Variants in ZDHHC14 observed in about 807,000 individuals in gnomAD.
ZDHHC14 encodes the protein zDHHC palmitoyltransferase 14.
A neutral mutation model predicts 47.7 loss-of-function variants in ZDHHC14; 16 were observed. That is an observed-to-expected ratio of 0.34 (90% confidence interval 0.23 to 0.51). The LOEUF (loss-of-function observed/expected upper bound fraction) is 0.51, where lower values mean the gene tolerates loss of function less well. ZDHHC14 is among the 20% of genes least tolerant of loss of function. The probability of loss-of-function intolerance (pLI) is 0.97; values close to 1 mark genes in which losing one functional copy is unlikely to be tolerated. For synonymous variants in ZDHHC14, 293 were observed against 278.9 expected (o/e 1.05, Z -0.50); for missense variants, 515 against 662.5 (o/e 0.78, Z 2.44).
intron 2 of ZDHHC14, among the ~76,000 whole-genome samples, chr6:157,548,665 C>T (rs1188666923): frequency 6.6e-6 from 1 of 152,158 alleles, no homozygotes; most frequent in Non-Finnish European, 1.5e-5. Context: ...AGGCTGGTCT[C>T]GAACTCCCAG....
chr6:157,647,643 T>C (rs986056138), intron 7 of ZDHHC14, among the ~76,000 whole-genome samples: 3 of 152,174 alleles, frequency 2.0e-5, no homozygotes, highest in South Asian at 2.1e-4. Context: ...TGCTAATGAC[T>C]GAGGCCCTGC....
chr6:157,652,613 C>G (rs1273309166), intron 7 of ZDHHC14, among the ~76,000 whole-genome samples: 4 of 152,216 alleles, frequency 2.6e-5, no homozygotes, highest in African/African-American at 9.7e-5. Flanking sequence ...GAAACAGATG[C>G]CTTTGGAAGC....
At chr6:157,558,454 G>A (rs189931163) in intron 2 of ZDHHC14, among the ~76,000 whole-genome samples, 229 of 152,304 alleles carry the variant, frequency 1.5e-3, no homozygotes, top group Non-Finnish European at 2.6e-3. Context: ...CCAATCGAGA[G>A]GGCTGACACC....
At chr6:157,645,323 G>A (rs992735701) in intron 5 of ZDHHC14, among the ~76,000 whole-genome samples, 9 of 152,144 alleles carry the variant, frequency 5.9e-5, no homozygotes, top group South Asian at 2.1e-4. Context: ...ATTGATGTGC[G>A]AGTCAATATG....
chr6:157,507,839 G>C (rs1432592781), intron 1 of ZDHHC14, among the ~76,000 whole-genome samples: 1 of 152,116 alleles, frequency 6.6e-6, no homozygotes. Context: ...CAGATCTTCA[G>C]CTTCATCATT....
intron 3 of ZDHHC14, among the ~76,000 whole-genome samples, chr6:157,614,793 C>CA (rs1562509196): frequency 6.7e-6 from 1 of 149,848 alleles, no homozygotes; most frequent in Non-Finnish European, 1.5e-5. Flanking sequence ...TTTTTTGAGA[C>CA]AGAGTCTCAC....
chr6:157,459,487 A>G (rs1779012776), intron 1 of ZDHHC14, among the ~76,000 whole-genome samples: 1 of 152,182 alleles, frequency 6.6e-6, no homozygotes, highest in African/African-American at 2.4e-5. Flanking sequence ...GTATTGTGTG[A>G]CAGTGGAGTG....
chr6:157,588,041 G>A (rs1439599104), intron 2 of ZDHHC14, among the ~76,000 whole-genome samples: 1 of 152,186 alleles, frequency 6.6e-6, no homozygotes, highest in Non-Finnish European at 1.5e-5. Flanking sequence ...GGCCACCTGA[G>A]GTCAGGAGTT....
At position 157,382,110 on chromosome 6, in the gene ZDHHC14, A is replaced by G. The variant is rs551380058; in HGVS notation, c.89A>G (p.Lys30Arg). The G allele has an allele frequency of 8.5e-5, 137 of 1,613,032 alleles. 2 individuals are homozygous for G. In the South Asian group the frequency reaches 1.4e-3, roughly 16 times the overall value. The change falls in exon 1 of 9, where the codon AAG becomes AGG. Residue 30 changes from lysine (K) to arginine (R), a missense_variant. Lys to Arg is a conservative substitution (Grantham distance 26). Around this residue, in one of 4 missense-constraint regions of ZDHHC14, gnomAD observed 59 missense variants for 57.7 expected, o/e 1.02. Transcript: ENST00000359775. ...TCCTCCCCCATGGAGTCGCCCCACA[A>G]GAAGAAGAAAATCGCGGCCCGGAGG... ...HSSSPMESPH[K>R]KKKIAARRKW...
At chr6:157,389,824 C>T (rs574148395) in intron 1 of ZDHHC14, among the ~76,000 whole-genome samples, 1 of 151,946 alleles carries the variant, frequency 6.6e-6, no homozygotes, top group African/African-American at 2.4e-5. Flanking sequence ...GCTATAAAGC[C>T]AGTAATGTTA....
intron 2 of ZDHHC14, among the ~76,000 whole-genome samples, chr6:157,579,190 GTTTTTT>G (rs1187065924): frequency 4.7e-5 from 3 of 63,946 alleles, no homozygotes; most frequent in Non-Finnish European, 6.0e-5. Flanking sequence ...TTGATTCTGT[GTTTTTT>G]TTTTTTTTTT....
chr6:157,473,314 A>G (rs1284522209), intron 1 of ZDHHC14, among the ~76,000 whole-genome samples: 2 of 152,210 alleles, frequency 1.3e-5, no homozygotes. Flanking sequence ...ACATTTCCCC[A>G]GACTCCCTCC....
chr6:157,649,997 G>A (rs923898182), intron 7 of ZDHHC14, among the ~76,000 whole-genome samples: 28 of 151,934 alleles, frequency 1.8e-4, no homozygotes, highest in Admixed American at 5.9e-4. Flanking sequence ...GGGGGTGCAC[G>A]GGAGAGGGGC....
At chr6:157,429,204 T>C (rs931282266) in intron 1 of ZDHHC14, among the ~76,000 whole-genome samples, 1 of 152,204 alleles carries the variant, frequency 6.6e-6, no homozygotes, top group African/African-American at 2.4e-5. Context: ...TCAGCATTTT[T>C]CCCACTGAGA....
Position 157,593,165 on chromosome 6 carries a change from G to C in ZDHHC14, c.565+19G>C. On this transcript the variant is annotated intron_variant, in intron 3 of 8. Coordinates refer to ENST00000359775, the MANE Select transcript of ZDHHC14 (RefSeq NM_024630.3). ...TGCGTAGGTGAGTAGTGCCTGGGCGGAGCCTGGCGGGAGCCCGGGTCCTCC... is the reference window on the plus strand; with the variant it reads ...TGCGTAGGTGAGTAGTGCCTGGGCGCAGCCTGGCGGGAGCCCGGGTCCTCC... The C allele has an allele frequency of 6.3e-7, 1 of 1,596,608 alleles. No individual in the cohort carries two copies.
intron 1 of ZDHHC14, among the ~76,000 whole-genome samples, chr6:157,494,768 A>G (rs1034144435): frequency 6.6e-6 from 1 of 152,250 alleles, no homozygotes; most frequent in Non-Finnish European, 1.5e-5. Flanking sequence ...ATTGCATTTT[A>G]TGGGCTCTAA....
chr6:157,557,308 G>A (rs762665580), intron 2 of ZDHHC14, among the ~76,000 whole-genome samples: 11 of 152,200 alleles, frequency 7.2e-5, no homozygotes, highest in Non-Finnish European at 1.2e-4. Flanking sequence ...CACCACGGGC[G>A]GGCAGAGGAC....
intron 2 of ZDHHC14, among the ~76,000 whole-genome samples, chr6:157,547,278 T>C (rs1175390112): frequency 6.6e-6 from 1 of 152,222 alleles, no homozygotes; most frequent in Non-Finnish European, 1.5e-5. Context: ...AACTTTCTTG[T>C]AGTACGCAGA....
At position 157,645,383 on chromosome 6, in the gene ZDHHC14, T is replaced by C. The variant is rs371653634; in HGVS notation, c.753-354T>C. Among the ~76,000 whole-genome samples the C allele has an allele frequency of 2.7e-4, 41 of 152,278 alleles. 1 individual carries two copies. In the South Asian group the frequency reaches 7.5e-3, roughly 28 times the overall value. On this transcript the variant is annotated intron_variant, in intron 5 of 8. Transcript: ENST00000359775. ...CTGCAGCCAACTCAAACCAGTGTGCTTCCTGATCAGGATGCCACAGTCGCT... is the reference window on the plus strand; with the variant it reads ...CTGCAGCCAACTCAAACCAGTGTGCCTCCTGATCAGGATGCCACAGTCGCT...
Sources: gnomAD v4.1 joint callset for allele counts (sites outside exome capture counted in the v4.1 genomes callset) on GRCh38, gnomAD v4.1.1 for gene constraint, gnomAD v4.1.1 regional missense constraint, MANE v1.5 for transcripts, NCBI Gene and HGNC (gene_info 2026-07-23, HGNC 2026-07-21) for gene names.